Variants in LY9 observed in about 807,000 individuals in gnomAD.
LY9 encodes lymphocyte antigen 9.
A neutral mutation model predicts 64.6 loss-of-function variants in LY9; 59 were observed. The observed-to-expected ratio is 0.91, with a 90% CI of 0.74 to 1.13. LY9 has a LOEUF of 1.13. Ranked by LOEUF, LY9 falls within the 50% of genes most tolerant of loss-of-function variation. The probability of loss-of-function intolerance (pLI) is 0.00; values close to 1 mark genes in which losing one functional copy is unlikely to be tolerated. For missense variants in LY9, 789 were observed against 797.2 expected (o/e 0.99, Z 0.12); for synonymous variants, 281 against 308.5 (o/e 0.91, Z 0.93).
intron 9 of LY9, 43 bp from the exon 10 acceptor site, chr1:160,827,705 A>G (rs1417593056): frequency 8.7e-6 from 13 of 1,501,350 alleles, no homozygotes; most frequent in Non-Finnish European, 1.2e-5. Flanking sequence ...CACTCTTCCA[A>G]GGCTTTATTA....
chr1:160,805,224 T>A (rs142153728), intron 2 of LY9, among the ~76,000 whole-genome samples: 1 of 152,120 alleles, frequency 6.6e-6, no homozygotes, highest in African/African-American at 2.4e-5. Flanking sequence ...ACATTTTTCA[T>A]GTAGGCATTT....
Position 160,813,691 on chromosome 1 carries a change from C to T in LY9, c.510C>T (p.Phe170=). 1 of 1,608,800 alleles carries T rather than the reference C, an allele frequency of 6.2e-7. No individual in the cohort carries two copies. Among genetic ancestry groups the T allele is most frequent in the Non-Finnish European group, 8.5e-7 (1 of 1,179,682 alleles). ...TMKSVKVSEN[F]SCNITLMCSV... ...AGTCTGTGAAGGTGTCTGAGAACTT[C>T]TCCTGTAACATCACTCTAATGTGCT... The change falls in exon 3 of 10, where the codon TTC becomes TTT. Residue 170 remains phenylalanine (F), a synonymous_variant. Transcript: ENST00000263285.
At chr1:160,805,919 C>CTT (rs60244350) in intron 2 of LY9, among the ~76,000 whole-genome samples, 917 of 72,432 alleles carry the variant, frequency 0.013, 29 homozygotes, top group African/African-American at 0.037. Flanking sequence ...CATTCTTTGT[C>CTT]TTTTTTTTTT....
rs200059299 is a variant in LY9 at position 160,814,626 on chromosome 1, G to C, written c.937G>C (p.Val313Leu). 6.2e-7 allele frequency: 1 copy of C among 1,614,202 alleles called. No homozygotes were observed. The highest frequency in any genetic ancestry group is 8.5e-7 in the Non-Finnish European group (1 of 1,180,034). ...IKSRDPYKNR[V>L]WVSSQDCSLK... is the part of the protein sequence containing the mutation. Reference sequence around the variant, plus strand: ...ATCCAGGGATCCTTACAAGAACAGGGTGTGGGTCTCCAGCCAGGACTGCTC... The same window carrying C: ...ATCCAGGGATCCTTACAAGAACAGGCTGTGGGTCTCCAGCCAGGACTGCTC... Residue 313 changes from valine to leucine, a missense_variant, in exon 4 of 10, where the codon GTG becomes CTG. Physicochemically the swap from Val to Leu is conservative, Grantham distance 32 (BLOSUM62 1). Transcript: ENST00000263285.
chr1:160,813,387 T>C (rs1571017363), intron 2 of LY9: 1 of 535,506 alleles, frequency 1.9e-6, no homozygotes, highest in South Asian at 2.5e-5. Context: ...GTTCTTACAC[T>C]GGTCGGGGAG....
At chr1:160,820,969 A>G (rs1359440491) in intron 7 of LY9, among the ~76,000 whole-genome samples, 2 of 104,194 alleles carry the variant, frequency 1.9e-5, no homozygotes, top group Non-Finnish European at 3.7e-5. Flanking sequence ...CCTGGCCAAC[A>G]TGGTGAAACC....
intron 2 of LY9, among the ~76,000 whole-genome samples, chr1:160,803,892 T>A (rs907046905): frequency 6.6e-6 from 1 of 152,024 alleles, no homozygotes; most frequent in Non-Finnish European, 1.5e-5. Flanking sequence ...GCCTGTAGTA[T>A]CAGCTACTCT....
chr1:160,800,118 C>CT (rs762076498), intron 2 of LY9, 36 bp downstream of exon 2: 68 of 1,534,088 alleles, frequency 4.4e-5, no homozygotes, highest in Non-Finnish European at 5.1e-5. Context: ...TTGATCTTTT[C>CT]TTTTTTTTAT....
At chr1:160,798,582 A>C (rs1205522985) in intron 1 of LY9, among the ~76,000 whole-genome samples, 1 of 152,042 alleles carries the variant, frequency 6.6e-6, no homozygotes, top group Non-Finnish European at 1.5e-5. Flanking sequence ...CAACCTTCTC[A>C]TGTCCAGGAT....
At chr1:160,803,352 C>T (rs933228645) in intron 2 of LY9, among the ~76,000 whole-genome samples, 18 of 151,890 alleles carry the variant, frequency 1.2e-4, no homozygotes, top group East Asian at 5.8e-4. Flanking sequence ...TATTTTGATA[C>T]TGATTGCCTT....
chr1:160,799,578 GA>G (rs1666242508), intron 1 of LY9, 174 bp from the exon 2 acceptor site: 1 of 569,850 alleles, frequency 1.8e-6, no homozygotes, highest in Admixed American at 3.3e-5. Context: ...AGTGTTTGGG[GA>G]ATGGAGGAAT....
rs753724072 is a variant in LY9, at chr1:160,818,245, T to C, written c.1370T>C (p.Ile457Thr). The C allele has an allele frequency of 1.2e-5, 19 of 1,613,662 alleles. No homozygotes were observed. In the South Asian group the frequency reaches 1.8e-4, roughly 15 times the overall value. Residue 457 changes from isoleucine to threonine, a missense_variant, in exon 6 of 10, where the codon ATT becomes ACT. By Grantham distance (89) the Ile-to-Thr change is moderately conservative. Transcript: ENST00000263285. ...CCTGAGAGAAACACAAAGCTTTGGA[T>C]TGGGTTGTTCCTGATGGTTTGCCTT... is the stretch of plus-strand genomic sequence containing the variant. The part of the protein sequence containing the change: ...SGPERNTKLW[I>T]GLFLMVCLLC...
chr1:160,813,668 T>C lies in LY9; in HGVS notation c.487T>C (p.Ser163Pro), dbSNP rs1368250432. 1.2e-6 allele frequency: 2 copies of C among 1,614,114 alleles called. No individual in the cohort carries two copies. Among genetic ancestry groups the C allele is most frequent in the Admixed American group, 1.7e-5 (1 of 60,026 alleles). ...GCAGGAGCCCCAAGTCACCATGAAG[T>C]CTGTGAAGGTGTCTGAGAACTTCTC... Reference protein sequence around the residue: ...QLQEPQVTMKSVKVSENFSCN... With the variant: ...QLQEPQVTMKPVKVSENFSCN... The change falls in exon 3 of 10, where the codon TCT becomes CCT. Residue 163 changes from serine (S) to proline (P), a missense_variant. Ser to Pro is a moderately conservative substitution (Grantham distance 74, BLOSUM62 -1). Transcript: ENST00000263285.
chr1:160,803,235 T>C (rs949760954), intron 2 of LY9, among the ~76,000 whole-genome samples: 1 of 152,092 alleles, frequency 6.6e-6, no homozygotes, highest in Non-Finnish European at 1.5e-5. Context: ...TGAGCCAAGA[T>C]CACGCCACTG....
chr1:160,824,311 C>A (rs925859959), intron 9 of LY9, 62 bp downstream of exon 9: 8 of 1,596,288 alleles, frequency 5.0e-6, no homozygotes, highest in Middle Eastern at 1.7e-4. Flanking sequence ...TTCCTTAGAC[C>A]CTTTGAACTG....
In LY9 at chr1:160,814,648, G is replaced by C; in HGVS notation, c.959G>C (p.Cys320Ser). Reference protein sequence around the residue: ...KNRVWVSSQDCSLKISQLKIE... With the variant: ...KNRVWVSSQDSSLKISQLKIE... The stretch of plus-strand genomic sequence containing the variant: ...AGGGTGTGGGTCTCCAGCCAGGACT[G>C]CTCCCTGAAGATCAGCCAGCTGAAG... The change falls in exon 4 of 10, where the codon TGC (cysteine) becomes TCC (serine). Residue 320 changes from cysteine (C) to serine (S), a missense_variant. Cys to Ser is a moderately radical substitution (Grantham distance 112). Transcript: ENST00000263285. 2 of 1,614,116 alleles carry C rather than the reference G, an allele frequency of 1.2e-6. No individual in the cohort carries two copies. Among genetic ancestry groups the C allele is most frequent in the Non-Finnish European group, 8.5e-7 (1 of 1,180,010 alleles).
rs368310540 is a variant in LY9 at position 160,827,850 on chromosome 1, C to T, written c.*34C>T. The stretch of plus-strand genomic sequence containing the variant: ...GCAGCTGCTGCCTCTCTCCTGGGAC[C>T]GTGGGGTTGGAAAGTCAGCTGGACC... On this transcript the variant is annotated 3_prime_UTR_variant, in exon 10 of 10. Transcript: ENST00000263285. 52 of 1,582,010 alleles carry T rather than the reference C, an allele frequency of 3.3e-5. No individual in the cohort carries two copies. The African/African-American group carries it at 5.6e-4, about 17-fold the overall frequency.
chr1:160,799,912 A>T lies in LY9; in HGVS notation c.284A>T (p.Asn95Ile), dbSNP rs1183281155. Residue 95 changes from asparagine (N) to isoleucine (I), a missense_variant, in exon 2 of 10, where the codon AAT becomes ATT. Coordinates refer to ENST00000263285, the MANE Select transcript of LY9 (RefSeq NM_002348.4). ...CTTGCTTTCGCACGTCCCAAAGAAA[A>T]TGTAACCATTATGGTCAAAAGCTAC... ...NALAFARPKENVTIMVKSYLG... is the reference protein window; with the variant it reads ...NALAFARPKEIVTIMVKSYLG... The T allele has an allele frequency of 6.2e-7, 1 of 1,614,214 alleles. No individual in the cohort carries two copies.
At chr1:160,823,380 A>T (rs1318741391) in intron 7 of LY9, 85 bp from the exon 8 acceptor site, 1 of 1,018,258 alleles carries the variant, frequency 9.8e-7, no homozygotes, top group East Asian at 2.6e-5. Context: ...TAATGCAGGC[A>T]TCAGAGCAGG....
Sources: gnomAD v4.1 joint callset for allele counts (sites outside exome capture counted in the v4.1 genomes callset) on GRCh38, gnomAD v4.1.1 for gene constraint, MANE v1.5 for transcripts, NCBI Gene and HGNC (gene_info 2026-07-23, HGNC 2026-07-21) for gene names.